JPH1: variants seen among roughly 807,000 people sequenced by gnomAD.
JPH1 encodes junctophilin 1.
JPH1 carries 12 observed loss-of-function variants against 53.6 expected under a neutral mutation model. The observed-to-expected ratio is 0.22, with a 90% CI of 0.14 to 0.36. The LOEUF (loss-of-function observed/expected upper bound fraction) is 0.36, where lower values mean the gene tolerates loss of function less well. Among genes scored for constraint, JPH1 ranks in the 10% least tolerant of loss-of-function variants. The pLI, the probability that JPH1 is intolerant of heterozygous loss-of-function variation, is 1.00. For missense variants in JPH1, 808 were observed against 905.5 expected, an observed-to-expected ratio of 0.89 and a Z score of 1.38; for synonymous variants, 375 against 363.8, an observed-to-expected ratio of 1.03 and a Z score of -0.35.
At chr8:74,309,512 TC>T (rs1455668407) in intron 2 of JPH1, among the ~76,000 whole-genome samples, 1 of 152,220 alleles carries the variant, frequency 6.6e-6, no homozygotes, top group Non-Finnish European at 1.5e-5. Flanking sequence ...AGTGATCTGT[TC>T]ATTTCCACAG....
intron 2 of JPH1, among the ~76,000 whole-genome samples, chr8:74,298,545 C>A (rs971014175): frequency 1.3e-5 from 2 of 152,146 alleles, no homozygotes; most frequent in African/African-American, 4.8e-5. Context: ...TTGCATAATA[C>A]CCTGGTTAGT....
At position 74,235,139 on chromosome 8, in the gene JPH1, T is replaced by A. The variant is rs1305817837; in HGVS notation, c.*1912A>T. On this transcript the variant is annotated 3_prime_UTR_variant, in exon 6 of 6. Coordinates refer to ENST00000342232, the MANE Select transcript of JPH1 (RefSeq NM_020647.4). ...GATTAAATATTTTATTATTATTTTT[T>A]TAAAAAACCAGCTTTCCCAGCGTAA... 1 of 152,274 alleles carries A rather than the reference T, an allele frequency of 6.6e-6. No homozygotes were observed. Among genetic ancestry groups the A allele is most frequent in the African/African-American group, 2.4e-5 (1 of 41,434 alleles). 9.4% of individuals were successfully genotyped at this position (152,274 alleles called of 1,614,324 possible). A position where few individuals can be genotyped will look rare whatever the true frequency, so the allele number is the denominator to read the frequency against.
chr8:74,254,313 T>C (rs911421339), intron 3 of JPH1, among the ~76,000 whole-genome samples: 1 of 152,128 alleles, frequency 6.6e-6, no homozygotes, highest in African/African-American at 2.4e-5. Flanking sequence ...TCTCAATAGA[T>C]GCAGAAAAGG....
chr8:74,269,000 T>G (rs1563404208), intron 2 of JPH1, among the ~76,000 whole-genome samples: 2 of 152,084 alleles, frequency 1.3e-5, no homozygotes, highest in South Asian at 4.1e-4. Context: ...GCAAACACCA[T>G]TCACTCCTTA....
chr8:74,268,801 A>G (rs998520682), intron 2 of JPH1, among the ~76,000 whole-genome samples: 2 of 152,206 alleles, frequency 1.3e-5, no homozygotes, highest in African/African-American at 4.8e-5. Flanking sequence ...GAGTAATTCA[A>G]GACTGTATAA....
intron 2 of JPH1, among the ~76,000 whole-genome samples, chr8:74,277,510 A>G (rs1018366272): frequency 2.0e-5 from 3 of 152,220 alleles, no homozygotes; most frequent in African/African-American, 7.2e-5. Flanking sequence ...ATTGGAACAC[A>G]GCCAAAGTTG....
At position 74,278,514 on chromosome 8, in the gene JPH1, A is replaced by C. The variant is rs951158654; in HGVS notation, c.1140-19011T>G. 4.6e-5 allele frequency among the ~76,000 whole-genome samples: 7 copies of C among 152,186 alleles called. No homozygotes were observed. In the South Asian group the frequency reaches 1.4e-3, roughly 31 times the overall value. On this transcript the variant is annotated intron_variant, in intron 2 of 5. Coordinates refer to ENST00000342232, the MANE Select transcript of JPH1 (RefSeq NM_020647.4). ...CTGGCCTAGAGGTCTTAGTTCCAGA[A>C]GGAGGAATGCTGCCACCAGAAGACA...
intron 3 of JPH1, among the ~76,000 whole-genome samples, chr8:74,251,870 C>T (rs925729820): frequency 4.6e-5 from 7 of 152,112 alleles, no homozygotes; most frequent in African/African-American, 1.7e-4. Context: ...CCAAGTCAAT[C>T]CTAAGCCAAA....
At chr8:74,273,492 T>A (rs1164552779) in intron 2 of JPH1, among the ~76,000 whole-genome samples, 1 of 152,204 alleles carries the variant, frequency 6.6e-6, no homozygotes, top group African/African-American at 2.4e-5. Context: ...CGGGAATGAA[T>A]AATTTAACCA....
chr8:74,237,139 A>T (rs1376765332), intron 5 of JPH1, 69 bp downstream of exon 5: 3 of 1,029,540 alleles, frequency 2.9e-6, no homozygotes, highest in South Asian at 2.9e-5. Context: ...TAAAAAAAAT[A>T]GCAAATTTGC....
chr8:74,305,058 C>A (rs1178970950), intron 2 of JPH1, among the ~76,000 whole-genome samples: 1 of 152,248 alleles, frequency 6.6e-6, no homozygotes, highest in African/African-American at 2.4e-5. Flanking sequence ...TCTCAAGAGA[C>A]TGTTGTACTA....
At chr8:74,245,213 AGGT>A (rs1446280238) in intron 3 of JPH1, 38 bp from the exon 4 acceptor site, 1 of 1,516,066 alleles carries the variant, frequency 6.6e-7, no homozygotes, top group Non-Finnish European at 8.8e-7. Flanking sequence ...AAAAGAAAGG[AGGT>A]ATATATACAT....
At chr8:74,275,967 A>G (rs1212695792) in intron 2 of JPH1, among the ~76,000 whole-genome samples, 1 of 152,158 alleles carries the variant, frequency 6.6e-6, no homozygotes, top group Non-Finnish European at 1.5e-5. Flanking sequence ...AAATATTCCT[A>G]ATTATGGTTC....
intron 3 of JPH1, among the ~76,000 whole-genome samples, chr8:74,256,381 G>C (rs60088766): frequency 1.3e-5 from 2 of 151,366 alleles, no homozygotes; most frequent in African/African-American, 4.9e-5. Flanking sequence ...ATCACACACC[G>C]GGGCCTATCA....
At chr8:74,257,790 C>T (rs775109657) in intron 3 of JPH1, among the ~76,000 whole-genome samples, 2 of 151,832 alleles carry the variant, frequency 1.3e-5, no homozygotes, top group African/African-American at 2.4e-5. Context: ...AAAAGAGATG[C>T]GTGTGAAAGA....
chr8:74,279,746 TACCCATCTTC>T (rs1318210732), intron 2 of JPH1, among the ~76,000 whole-genome samples: 1 of 152,206 alleles, frequency 6.6e-6, no homozygotes, highest in African/African-American at 2.4e-5. Flanking sequence ...GGCTTACAGT[TACCCATCTTC>T]ACCCCTTGGC....
Position 74,244,596 on chromosome 8 carries a change from T to C in JPH1, c.1838A>G (p.Glu613Gly), listed in dbSNP as rs1023111753. 5 of 1,614,210 alleles carry C rather than the reference T, an allele frequency of 3.1e-6. No homozygotes were observed. Among genetic ancestry groups the C allele is most frequent in the Middle Eastern group, 1.6e-4 (1 of 6,062 alleles). Residue 613 changes from glutamate (E) to glycine (G), a missense_variant, in exon 4 of 6, where the codon GAA (glutamate) becomes GGA (glycine). By Grantham distance (98) the Glu-to-Gly change is moderately conservative. Transcript: ENST00000342232. ...TGCTGGATTCTTTGGTATAGCAAGTTCAGACTTCTTAGCTTTTGGCTCAGC... is the reference window on the plus strand; with the variant it reads ...TGCTGGATTCTTTGGTATAGCAAGTCCAGACTTCTTAGCTTTTGGCTCAGC... The part of the protein sequence containing the change: ...SKAEPKAKKS[E>G]LAIPKNPASN...
Position 74,285,911 on chromosome 8 carries a change from T to A in JPH1, c.1140-26408A>T, listed in dbSNP as rs780178285. Among the ~76,000 whole-genome samples the A allele has an allele frequency of 5.9e-5, 9 of 152,346 alleles. 1 individual carries two copies. In the Middle Eastern group the frequency reaches 0.01, roughly 173 times the overall value. On this transcript the variant is annotated intron_variant, in intron 2 of 5. Coordinates refer to ENST00000342232, the MANE Select transcript of JPH1 (RefSeq NM_020647.4). Reference sequence around the variant, plus strand: ...ACTTCACTGCCTTCAGGGAAAGGATTTGGTCAGCTGGAGTGAGGAGGAGAT... The same window carrying A: ...ACTTCACTGCCTTCAGGGAAAGGATATGGTCAGCTGGAGTGAGGAGGAGAT...
intron 2 of JPH1, among the ~76,000 whole-genome samples, chr8:74,276,231 T>C (rs1336519209): frequency 6.6e-6 from 1 of 152,062 alleles, no homozygotes; most frequent in Admixed American, 6.5e-5. Flanking sequence ...GGTTTTTAGG[T>C]AAAAGAGTCG....
Sources: allele counts gnomAD v4.1 joint callset (sites outside exome capture counted in the v4.1 genomes callset), GRCh38; gene constraint gnomAD v4.1.1; transcripts MANE v1.5; gene names NCBI Gene and HGNC (gene_info 2026-07-23, HGNC 2026-07-21).